The following SPMIP10 variants were observed in gnomAD, a reference collection of about 807,000 sequenced individuals.
SPMIP10 encodes sperm microtubule inner protein 10.
chr5:126,631,889 G>C, the SPMIP10 span: 1 of 941,134 alleles, frequency 1.1e-6, no homozygotes, highest in Non-Finnish European at 1.7e-6. Flanking sequence ...CAAAGATACG[G>C]TCAATAACTT....
chr5:126,636,100 G>A, the SPMIP10 span: 24 of 1,614,076 alleles, frequency 1.5e-5, no homozygotes, highest in Non-Finnish European at 1.9e-5. Context: ...ACAGTGAAAG[G>A]CTTTGCCATG....
chr5:126,633,055 CGTGT>C, the SPMIP10 span, among the ~76,000 whole-genome samples: 1 of 129,616 alleles, frequency 7.7e-6, no homozygotes, highest in South Asian at 2.2e-4. Flanking sequence ...CTGTGATAGA[CGTGT>C]GTAACTATAC....
chr5:126,634,217 A>C, the SPMIP10 span, among the ~76,000 whole-genome samples: 4 of 152,132 alleles, frequency 2.6e-5, no homozygotes, highest in Non-Finnish European at 4.4e-5. Context: ...AGATAACCTG[A>C]GTTCAGGAGT....
the SPMIP10 span, among the ~76,000 whole-genome samples, chr5:126,633,008 CATATATATATATATAT>C: frequency 1.6e-5 from 2 of 125,368 alleles, no homozygotes; most frequent in African/African-American, 7.7e-5. Flanking sequence ...ATAAATTTTA[CATATATATATATATAT>C]ATATATATAA....
chr5:126,636,228 G>A, the SPMIP10 span: 6 of 1,613,396 alleles, frequency 3.7e-6, no homozygotes, highest in East Asian at 6.7e-5. Flanking sequence ...GGCTTCAGGA[G>A]GCGACTAGTC....
the SPMIP10 span, among the ~76,000 whole-genome samples, chr5:126,634,808 T>C: frequency 6.6e-6 from 1 of 152,148 alleles, no homozygotes; most frequent in Non-Finnish European, 1.5e-5. Context: ...TAACTTATGC[T>C]TTCCTTCCTT....
the SPMIP10 span, among the ~76,000 whole-genome samples, chr5:126,634,612 G>C: frequency 2.0e-5 from 3 of 152,120 alleles, no homozygotes; most frequent in Non-Finnish European, 2.9e-5. Flanking sequence ...AATCAGTAAA[G>C]AAAAACTTTG....
At chr5:126,632,141 G>T in the SPMIP10 span, among the ~76,000 whole-genome samples, 1 of 151,070 alleles carries the variant, frequency 6.6e-6, no homozygotes, top group African/African-American at 2.4e-5. Flanking sequence ...GCTCACGGCT[G>T]TAATGTCAAC....
chr5:126,636,186 T>C, the SPMIP10 span: 5 of 1,614,162 alleles, frequency 3.1e-6, no homozygotes, highest in African/African-American at 1.3e-5. Flanking sequence ...CATTCGCCTC[T>C]CTCCAGATAC....
the SPMIP10 span, among the ~76,000 whole-genome samples, chr5:126,633,480 C>T: frequency 6.6e-6 from 1 of 152,132 alleles, no homozygotes; most frequent in African/African-American, 2.4e-5. Context: ...CTGCCTCAGT[C>T]TCCCAAGTAG....
the SPMIP10 span, among the ~76,000 whole-genome samples, chr5:126,632,872 A>G: frequency 1.6e-3 from 236 of 151,876 alleles, 3 homozygotes; most frequent in Admixed American, 1.0e-2. Flanking sequence ...TTGTAATCCC[A>G]GCTACTCGGG....
At chr5:126,632,910 C>T in the SPMIP10 span, among the ~76,000 whole-genome samples, 4 of 150,754 alleles carry the variant, frequency 2.7e-5, no homozygotes, top group Non-Finnish European at 1.5e-5. Flanking sequence ...TCTCTTGAAC[C>T]CGAGAGGCAG....
the SPMIP10 span, among the ~76,000 whole-genome samples, chr5:126,632,258 TAAAAAAAAAAAAAAAAA>T: frequency 3.5e-5 from 2 of 57,184 alleles, no homozygotes; most frequent in Admixed American, 2.5e-4. Flanking sequence ...TCCATCTCAT[TAAAAAAAAAAAAAAAAA>T]AAAAAAAAAA....
the SPMIP10 span, chr5:126,632,618 G>A: frequency 1.2e-6 from 2 of 1,610,420 alleles, no homozygotes; most frequent in East Asian, 4.5e-5. Context: ...TCATGCCTTG[G>A]AAAGAAAACA....
At chr5:126,635,171 A>AATAT in the SPMIP10 span, among the ~76,000 whole-genome samples, 4,494 of 140,100 alleles carry the variant, frequency 0.032, 111 homozygotes, top group African/African-American at 0.057. Flanking sequence ...CCGTCTGTGA[A>AATAT]ATATATATAT....
chr5:126,635,330 A>G, the SPMIP10 span, among the ~76,000 whole-genome samples: 1 of 152,170 alleles, frequency 6.6e-6, no homozygotes, highest in Non-Finnish European at 1.5e-5. Context: ...TTTATTCAAC[A>G]GTCATAACAG....
the SPMIP10 span, chr5:126,631,877 C>T: frequency 9.6e-7 from 1 of 1,037,186 alleles, no homozygotes; most frequent in East Asian, 2.4e-5. Context: ...ACCTGGGAGC[C>T]ACAAAGATAC....
chr5:126,631,948 A>G, the SPMIP10 span: 3 of 632,564 alleles, frequency 4.7e-6, no homozygotes, highest in Non-Finnish European at 8.5e-6. Context: ...TCCAGAGGGA[A>G]ATATGTGTGC....
chr5:126,635,157 G>C, the SPMIP10 span, among the ~76,000 whole-genome samples: 2 of 138,182 alleles, frequency 1.4e-5, no homozygotes, highest in African/African-American at 6.0e-5. Context: ...GACAGACTGA[G>C]GCCCCGTCTG....
Sources: gnomAD v4.1 joint callset for allele counts (sites outside exome capture counted in the v4.1 genomes callset) on GRCh38, gnomAD v4.1.1 for gene constraint, MANE v1.5 for transcripts, NCBI Gene and HGNC (gene_info 2026-07-23, HGNC 2026-07-21) for gene names.